The following VPS35L variants were observed in gnomAD, a reference collection of about 807,000 sequenced individuals.
VPS35L encodes the protein VPS35 endosomal protein-sorting factor-like.
Under a neutral mutation model 133.0 loss-of-function variants are expected in VPS35L, and 83 were observed. That is an observed-to-expected ratio of 0.62 (90% CI 0.52 to 0.75). The LOEUF (loss-of-function observed/expected upper bound fraction) is 0.75. VPS35L is among the 30% of genes least tolerant of loss of function. The pLI is 0.00. For synonymous variants in VPS35L, 423 were observed against 449.9 expected, an observed-to-expected ratio of 0.94 and a Z score of 0.76; for missense variants, 1,083 against 1,206.8, an observed-to-expected ratio of 0.90 and a Z score of 1.52.
chr16:19,588,923 A>C (rs1325661931), intron 7 of VPS35L, among the ~76,000 whole-genome samples: 1 of 152,198 alleles, frequency 6.6e-6, no homozygotes, highest in East Asian at 1.9e-4. Context: ...AGTCTGTGCT[A>C]TTCAACATTC....
intron 23 of VPS35L, among the ~76,000 whole-genome samples, chr16:19,645,782 G>A (rs2151582013): frequency 6.6e-6 from 1 of 152,344 alleles, no homozygotes; most frequent in Admixed American, 6.5e-5. Flanking sequence ...ACCTGAGTCA[G>A]GAGGGCCGAG....
intron 29 of VPS35L, among the ~76,000 whole-genome samples, chr16:19,692,264 G>A (rs965021146): frequency 1.4e-4 from 21 of 152,258 alleles, no homozygotes; most frequent in South Asian, 6.2e-4. Context: ...ACCACCCCAC[G>A]TCTCATGCAG....
At chr16:19,674,192 T>C (rs894691344) in intron 27 of VPS35L, among the ~76,000 whole-genome samples, 2 of 132,710 alleles carry the variant, frequency 1.5e-5, no homozygotes, top group East Asian at 2.2e-4. Flanking sequence ...TTCTTTTTTT[T>C]TTTTTTTTTT....
At position 19,650,428 on chromosome 16, in the gene VPS35L, A is replaced by G. The variant is rs780054358; in HGVS notation, c.2075A>G (p.Asn692Ser). 3.7e-6 allele frequency: 6 copies of G among 1,613,754 alleles called. No homozygotes were observed. Among genetic ancestry groups the G allele is most frequent in the Non-Finnish European group, 5.1e-6 (6 of 1,179,788 alleles). ...AMETRKVMKG[N>S]HSRKTAAFVR... ...GAGACAAGAAAAGTAATGAAAGGAA[A>G]TCATTCCAGAAAGACAGCTGCATTT... Residue 692 changes from asparagine to serine, a missense_variant, in exon 25 of 31, where the codon AAT becomes AGT. By Grantham distance (46) the Asn-to-Ser change is conservative (BLOSUM62 1). Transcript: ENST00000417362.
intron 3 of VPS35L, 111 bp from the exon 4 acceptor site, chr16:19,573,008 C>T: frequency 8.0e-7 from 1 of 1,252,964 alleles, no homozygotes; most frequent in Non-Finnish European, 1.1e-6. Flanking sequence ...AACCTTGAGA[C>T]AAATCTCTTT....
intron 26 of VPS35L, among the ~76,000 whole-genome samples, chr16:19,659,289 C>T (rs1974405649): frequency 6.6e-6 from 1 of 152,082 alleles, no homozygotes. Context: ...AGTTAGGTAA[C>T]ACATGGGCTG....
At chr16:19,565,802 G>A (rs1971171390) in intron 2 of VPS35L, among the ~76,000 whole-genome samples, 1 of 152,144 alleles carries the variant, frequency 6.6e-6, no homozygotes. Flanking sequence ...TCAACAAAAT[G>A]TATCTTGACT....
At chr16:19,566,752 CT>C (rs1198119030) in intron 2 of VPS35L, among the ~76,000 whole-genome samples, 1 of 151,342 alleles carries the variant, frequency 6.6e-6, no homozygotes, top group Admixed American at 6.6e-5. Context: ...TGGCCCCCCC[CT>C]TTTTTTTCTT....
intron 28 of VPS35L, among the ~76,000 whole-genome samples, chr16:19,687,212 TG>T (rs1975493608): frequency 6.6e-6 from 1 of 152,124 alleles, no homozygotes; most frequent in Non-Finnish European, 1.5e-5. Flanking sequence ...TCTGGCCCCT[TG>T]GGGTGGTTGG....
At chr16:19,602,743 C>A (rs938319775) in intron 9 of VPS35L, among the ~76,000 whole-genome samples, 1 of 152,112 alleles carries the variant, frequency 6.6e-6, no homozygotes, top group African/African-American at 2.4e-5. Context: ...GCTGGGACTA[C>A]TGGTGCCTGC....
chr16:19,583,772 A>G (rs1971779640), intron 7 of VPS35L, among the ~76,000 whole-genome samples: 2 of 152,014 alleles, frequency 1.3e-5, no homozygotes. Context: ...TAAATTTTGG[A>G]CTATAGTCAC....
intron 14 of VPS35L, among the ~76,000 whole-genome samples, chr16:19,619,629 T>A (rs1430422245): frequency 6.6e-6 from 1 of 152,184 alleles, no homozygotes; most frequent in East Asian, 1.9e-4. Context: ...GCAGTCTTCT[T>A]TTTATTTTAA....
chr16:19,652,283 C>A (rs940844726), intron 26 of VPS35L, 193 bp downstream of exon 26: 2 of 541,888 alleles, frequency 3.7e-6, no homozygotes, highest in Non-Finnish European at 6.7e-6. Flanking sequence ...CTCAAGCAGT[C>A]CTCCTGAGTA....
At chr16:19,558,069 CA>C (rs112180563) in intron 1 of VPS35L, among the ~76,000 whole-genome samples, 10 of 144,298 alleles carry the variant, frequency 6.9e-5, no homozygotes, top group East Asian at 2.0e-4. Context: ...GACTCCGTCT[CA>C]AAAAAAAAAA....
chr16:19,634,485 A>G (rs1437111795), intron 19 of VPS35L, among the ~76,000 whole-genome samples: 2 of 152,010 alleles, frequency 1.3e-5, no homozygotes, highest in African/African-American at 4.8e-5. Context: ...GCAGCTTTTG[A>G]AGGGGCTCTC....
chr16:19,666,872 TTTTCTTTCTTTCTTTC>T lies in VPS35L; in HGVS notation c.2222-2241_2222-2226del, dbSNP rs551438290. ...GTGGGTTCCATAAGTAGGGCCATGT[TTTTCTTTCTTTCTTTC>T]TTTCTTTCTTTCTTTCTTTCTTTCT... On this transcript the variant is annotated intron_variant, in intron 26 of 30. Coordinates refer to ENST00000417362, the MANE Select transcript of VPS35L (RefSeq NM_020314.7). Among the ~76,000 whole-genome samples the T allele has an allele frequency of 8.7e-4, 93 of 106,324 alleles. 1 individual carries two copies. The highest frequency in any genetic ancestry group is 2.3e-3 in the East Asian group (8 of 3,554). The allele number at this position is 106,324 out of a possible 152,430, so 69.8% of individuals were successfully genotyped here.
chr16:19,560,261 G>A (rs191918405), intron 1 of VPS35L, among the ~76,000 whole-genome samples: 28 of 152,258 alleles, frequency 1.8e-4, no homozygotes, highest in East Asian at 1.7e-3. Flanking sequence ...AGGAAACGGA[G>A]GTAAAGGCTG....
chr16:19,663,241 G>A (rs1002586186), intron 26 of VPS35L, among the ~76,000 whole-genome samples: 1 of 152,178 alleles, frequency 6.6e-6, no homozygotes, highest in Non-Finnish European at 1.5e-5. Flanking sequence ...AACCCAGGAG[G>A]TGGAGGTTGT....
At chr16:19,651,430 C>T (rs1348491301) in intron 25 of VPS35L, among the ~76,000 whole-genome samples, 1 of 152,022 alleles carries the variant, frequency 6.6e-6, no homozygotes, top group Non-Finnish European at 1.5e-5. Context: ...GTCTTGAACT[C>T]CTGGCCTCAA....
Sources: allele counts gnomAD v4.1 joint callset (sites outside exome capture counted in the v4.1 genomes callset), GRCh38; gene constraint gnomAD v4.1.1; transcripts MANE v1.5; gene names NCBI Gene and HGNC (gene_info 2026-07-23, HGNC 2026-07-21).